RECK: variants seen among roughly 807,000 people sequenced by gnomAD.
RECK encodes the protein reversion-inducing cysteine-rich protein with Kazal motifs.
A neutral mutation model predicts 115.1 loss-of-function variants in RECK; 69 were observed. The ratio of observed to expected loss-of-function variants is 0.60; its 90% CI spans 0.49 to 0.73. The LOEUF (loss-of-function observed/expected upper bound fraction) is 0.73, where lower values mean the gene tolerates loss of function less well. Among genes scored for constraint, RECK ranks in the 30% least tolerant of loss-of-function variants. The pLI is 0.00. For missense variants in RECK, 1,047 were observed against 1,203.7 expected (o/e 0.87, Z 1.93); for synonymous variants, 414 against 419.7 (o/e 0.99, Z 0.17).
chr9:36,060,504 G>A (rs1284629786), intron 4 of RECK, among the ~76,000 whole-genome samples: 2 of 152,108 alleles, frequency 1.3e-5, no homozygotes, highest in Non-Finnish European at 2.9e-5. Flanking sequence ...ACTGAAACTA[G>A]TCTTTGAAAG....
intron 1 of RECK, among the ~76,000 whole-genome samples, chr9:36,047,453 A>G (rs1056360696): frequency 6.6e-6 from 1 of 152,140 alleles, no homozygotes; most frequent in Non-Finnish European, 1.5e-5. Context: ...TACTAAAAAT[A>G]CAATTAGCCG....
At chr9:36,052,669 A>G (rs1821354550) in intron 2 of RECK, among the ~76,000 whole-genome samples, 1 of 152,224 alleles carries the variant, frequency 6.6e-6, no homozygotes, top group South Asian at 2.1e-4. Context: ...ATTATGAAGA[A>G]GTAGTCGGGC....
chr9:36,066,992 A>G, intron 6 of RECK: 1 of 445,344 alleles, frequency 2.2e-6, no homozygotes, highest in South Asian at 1.9e-5. Context: ...TGGCAAAAGG[A>G]TCCTTTTGTT....
chr9:36,096,192 A>C (rs377462985), intron 10 of RECK, among the ~76,000 whole-genome samples: 1 of 146,680 alleles, frequency 6.8e-6, no homozygotes. Context: ...AGCCAAGATC[A>C]TGCCATTGCA....
At chr9:36,043,010 CTTTTTTTTTTTTTT>C (rs61673918) in intron 1 of RECK, among the ~76,000 whole-genome samples, 1 of 59,438 alleles carries the variant, frequency 1.7e-5, no homozygotes, top group African/African-American at 6.9e-5. Context: ...CCTTAGCCCA[CTTTTTTTTTTTTTT>C]TTTTTTTTTT....
chr9:36,119,370 G>T (rs552813714), intron 18 of RECK, among the ~76,000 whole-genome samples: 1 of 152,200 alleles, frequency 6.6e-6, no homozygotes, highest in Non-Finnish European at 1.5e-5. Context: ...GAAATTGAGA[G>T]AAATAGAAGA....
intron 3 of RECK, among the ~76,000 whole-genome samples, chr9:36,059,833 T>A (rs1369966123): frequency 6.6e-6 from 1 of 152,218 alleles, no homozygotes; most frequent in Non-Finnish European, 1.5e-5. Context: ...ACACATTCCC[T>A]TTAGTCTTCA....
rs1564140209 is a variant in RECK at position 36,120,660 on chromosome 9, C to T, written c.2465-3C>T. The T allele has an allele frequency of 1.9e-6, 3 of 1,609,728 alleles. No homozygotes were observed. The African/African-American group carries it at 4.0e-5, about 22-fold the overall frequency. On this transcript the variant is annotated splice_polypyrimidine_tract_variant and splice_region_variant and intron_variant, in intron 18 of 20. Transcript: ENST00000377966. ...CGCACATAAAATGGTTTCTGTTATA[C>T]AGGTGCTTGTTGCCCATTATGTGCT...
intron 2 of RECK, among the ~76,000 whole-genome samples, chr9:36,053,268 T>G (rs1328204317): frequency 6.6e-6 from 1 of 152,196 alleles, no homozygotes; most frequent in East Asian, 1.9e-4. Context: ...AGCCCTACCT[T>G]TCTTTCAGGC....
chr9:36,071,494 G>A (rs1822229008), intron 6 of RECK, among the ~76,000 whole-genome samples: 1 of 152,158 alleles, frequency 6.6e-6, no homozygotes, highest in South Asian at 2.1e-4. Flanking sequence ...GTGAGCCACT[G>A]AAGTACAATG....
intron 9 of RECK, among the ~76,000 whole-genome samples, chr9:36,089,895 A>AC (rs2132636164): frequency 6.6e-6 from 1 of 152,190 alleles, no homozygotes; most frequent in South Asian, 2.1e-4. Context: ...AGGGTGAGGC[A>AC]GATGGATCGC....
At chr9:36,093,833 G>T (rs566112314) in intron 10 of RECK, among the ~76,000 whole-genome samples, 1 of 152,036 alleles carries the variant, frequency 6.6e-6, no homozygotes, top group African/African-American at 2.4e-5. Flanking sequence ...GAGGCAAAGA[G>T]AAATAGTTAA....
At chr9:36,109,361 T>C (rs913772983) in intron 14 of RECK, among the ~76,000 whole-genome samples, 7 of 152,302 alleles carry the variant, frequency 4.6e-5, no homozygotes, top group African/African-American at 1.7e-4. Context: ...GATCCAAAGA[T>C]GGCATCAGGT....
intron 19 of RECK, 58 bp from the exon 20 acceptor site, chr9:36,121,475 C>T: frequency 1.3e-6 from 2 of 1,530,978 alleles, no homozygotes; most frequent in Admixed American, 3.5e-5. Flanking sequence ...AGCAAGGGAG[C>T]TTAGGCAGTC....
At chr9:36,121,381 T>G in intron 19 of RECK, 152 bp from the exon 20 acceptor site, 1 of 634,292 alleles carries the variant, frequency 1.6e-6, no homozygotes, top group East Asian at 2.8e-5. Flanking sequence ...GACTGGAGAT[T>G]CAGAATTTGG....
intron 1 of RECK, among the ~76,000 whole-genome samples, chr9:36,044,961 G>A (rs1051861075): frequency 5.9e-5 from 9 of 152,120 alleles, no homozygotes; most frequent in African/African-American, 1.9e-4. Flanking sequence ...GTTAAAAAAA[G>A]TAATCTGGCA....
chr9:36,104,407 G>A (rs1823717952), intron 12 of RECK, among the ~76,000 whole-genome samples: 1 of 124,296 alleles, frequency 8.0e-6, no homozygotes, highest in Admixed American at 9.4e-5. Flanking sequence ...GTGCAGTAGT[G>A]CAATCTCGGC....
chr9:36,063,940 A>C (rs1821888398), intron 5 of RECK, 60 bp downstream of exon 5: 2 of 1,530,522 alleles, frequency 1.3e-6, no homozygotes, highest in Non-Finnish European at 1.8e-6. Flanking sequence ...TTAGCTGTGC[A>C]CATGTCTTGG....
intron 2 of RECK, among the ~76,000 whole-genome samples, chr9:36,057,372 G>T (rs773860835): frequency 3.9e-5 from 6 of 152,070 alleles, no homozygotes; most frequent in Non-Finnish European, 7.4e-5. Context: ...CCTCTAAACA[G>T]GTTGGTAGCC....
Sources: gnomAD v4.1 joint callset for allele counts (sites outside exome capture counted in the v4.1 genomes callset) on GRCh38, gnomAD v4.1.1 for gene constraint, MANE v1.5 for transcripts, NCBI Gene and HGNC (gene_info 2026-07-23, HGNC 2026-07-21) for gene names.